DPP6: variants seen among roughly 807,000 people sequenced by gnomAD.
DPP6 encodes A-type potassium channel modulatory protein DPP6.
Under a neutral mutation model 122.6 loss-of-function variants are expected in DPP6, and 69 were observed. That is an observed-to-expected ratio of 0.56 (90% confidence interval 0.46 to 0.69). The LOEUF (loss-of-function observed/expected upper bound fraction) is 0.69. Among genes scored for constraint, DPP6 ranks in the 30% least tolerant of loss-of-function variants. The probability of loss-of-function intolerance (pLI) is 0.00; values close to 1 mark genes in which losing one functional copy is unlikely to be tolerated. For synonymous variants in DPP6, 418 were observed against 433.1 expected (o/e 0.97, Z 0.43); for missense variants, 928 against 1,116.9 (o/e 0.83, Z 2.41).
chr7:154,008,886 C>T (rs1190587210), intron 1 of DPP6, among the ~76,000 whole-genome samples: 4 of 150,294 alleles, frequency 2.7e-5, no homozygotes, highest in East Asian at 2.0e-4. Context: ...AGGATGGTCT[C>T]GATCTCCTGA....
intron 5 of DPP6, among the ~76,000 whole-genome samples, chr7:154,575,246 GGT>G (rs1478504873): frequency 7.4e-5 from 9 of 121,242 alleles, no homozygotes; most frequent in African/African-American, 2.8e-4. Context: ...GTGTTTGTGT[GGT>G]GTGTGTGGTG....
At chr7:154,751,844 G>C (rs1411202997) in intron 8 of DPP6, among the ~76,000 whole-genome samples, 1 of 152,198 alleles carries the variant, frequency 6.6e-6, no homozygotes, top group East Asian at 1.9e-4. Context: ...GCCGGTGGGG[G>C]GTCCCTCTGG....
At chr7:154,397,534 T>TTG (rs539690315) in intron 1 of DPP6, among the ~76,000 whole-genome samples, 19 of 152,352 alleles carry the variant, frequency 1.2e-4, no homozygotes, top group African/African-American at 4.6e-4. Flanking sequence ...ATTATCCATG[T>TTG]TGTGTGTGAC....
Position 154,314,010 on chromosome 7 carries a change from C to T in DPP6, c.244-132204C>T, listed in dbSNP as rs185890266. Among the ~76,000 whole-genome samples, 58 of 151,998 alleles carry T rather than the reference C, an allele frequency of 3.8e-4. 1 individual carries two copies. The East Asian group carries it at 8.0e-3, about 21-fold the overall frequency. ...ATTAAAAACCATGAAGCTGTAACAA[C>T]GTCTCAAAAGCTCCCTTGGTGCATT... On this transcript the variant is annotated intron_variant, in intron 1 of 25. Coordinates refer to ENST00000377770, the MANE Select transcript of DPP6 (RefSeq NM_130797.4).
chr7:154,635,743 G>A (rs773424512), intron 5 of DPP6, among the ~76,000 whole-genome samples: 1 of 152,150 alleles, frequency 6.6e-6, no homozygotes, highest in Non-Finnish European at 1.5e-5. Flanking sequence ...GACCGGAGAT[G>A]GGGAACCCAT....
intron 1 of DPP6, among the ~76,000 whole-genome samples, chr7:154,426,512 T>C (rs1404238464): frequency 6.6e-6 from 1 of 152,176 alleles, no homozygotes; most frequent in Non-Finnish European, 1.5e-5. Context: ...AAATCCTGTA[T>C]TGGTCTTCTT....
At chr7:153,910,365 G>T (rs1282411060) in intron 1 of DPP6, among the ~76,000 whole-genome samples, 1 of 151,782 alleles carries the variant, frequency 6.6e-6, no homozygotes, top group Admixed American at 6.6e-5. Context: ...GAGTAGCTGG[G>T]ACTATAGGCA....
intron 6 of DPP6, among the ~76,000 whole-genome samples, chr7:154,645,061 GTTT>G (rs538662916): frequency 4.1e-5 from 5 of 121,846 alleles, no homozygotes; most frequent in Admixed American, 8.5e-5. Flanking sequence ...TTATTTGTTG[GTTT>G]TTTTTTTTTT....
the DPP6 span, among the ~76,000 whole-genome samples, chr7:153,806,718 T>C: frequency 6.6e-6 from 1 of 152,046 alleles, no homozygotes; most frequent in Non-Finnish European, 1.5e-5. Context: ...TTCTCCTTTC[T>C]GTCATTTTGA....
intron 1 of DPP6, among the ~76,000 whole-genome samples, chr7:154,176,141 G>A (rs2150737786): frequency 6.6e-6 from 1 of 152,332 alleles, no homozygotes. Flanking sequence ...TCTTAGAAAT[G>A]TGCCCTAAGC....
At chr7:153,918,563 ACAGTCT>A (rs1800468894) in intron 1 of DPP6, among the ~76,000 whole-genome samples, 1 of 62,280 alleles carries the variant, frequency 1.6e-5, no homozygotes, top group Admixed American at 2.0e-4. Context: ...ACACACACAC[ACAGTCT>A]CTCTCTCTCT....
At chr7:153,833,633 C>T in the DPP6 span, among the ~76,000 whole-genome samples, 1 of 151,280 alleles carries the variant, frequency 6.6e-6, no homozygotes, top group African/African-American at 2.4e-5. Flanking sequence ...ATTGGAGTGT[C>T]ACTGCACTCC....
At chr7:154,855,498 C>G (rs1802756534) in intron 17 of DPP6, among the ~76,000 whole-genome samples, 1 of 152,220 alleles carries the variant, frequency 6.6e-6, no homozygotes, top group Non-Finnish European at 1.5e-5. Context: ...GCTTTCCAGC[C>G]TCACCTGCGA....
chr7:154,255,500 C>T (rs866240074), intron 1 of DPP6, among the ~76,000 whole-genome samples: 3 of 152,042 alleles, frequency 2.0e-5, no homozygotes, highest in Non-Finnish European at 2.9e-5. Context: ...TTCTGCGGTG[C>T]GGGAATGGCA....
chr7:154,699,253 C>T (rs991103792), intron 7 of DPP6, among the ~76,000 whole-genome samples: 2 of 152,120 alleles, frequency 1.3e-5, no homozygotes, highest in African/African-American at 4.8e-5. Context: ...GGACTGTATA[C>T]AAAAAGGCCC....
chr7:154,687,511 G>T (rs1839687686), intron 7 of DPP6, among the ~76,000 whole-genome samples: 1 of 152,064 alleles, frequency 6.6e-6, no homozygotes, highest in South Asian at 2.1e-4. Flanking sequence ...TAAAACACTT[G>T]TTCATGTCTT....
intron 1 of DPP6, among the ~76,000 whole-genome samples, chr7:153,929,985 C>A (rs2030502431): frequency 6.6e-6 from 1 of 152,148 alleles, no homozygotes; most frequent in Admixed American, 6.5e-5. Flanking sequence ...TGGGAAAGTT[C>A]CTATCCTTGC....
rs754825187 is a variant in DPP6 at position 154,795,874 on chromosome 7, C to T, written c.1290C>T (p.Leu430=). The T allele has an allele frequency of 4.3e-6, 7 of 1,612,630 alleles. No individual in the cohort carries two copies. Among genetic ancestry groups the T allele is most frequent in the Non-Finnish European group, 5.9e-6 (7 of 1,179,310 alleles). The change falls in exon 12 of 26, where the codon CTC becomes CTT. Residue 430 remains leucine, a synonymous_variant. Transcript: ENST00000377770. ...KKHEDESEAW[L]HRQNEEPVFS... ...ACGAGGATGAAAGTGAGGCCTGGCT[C>T]CACAGACAGGTAACTACTGCATGTC...
In DPP6 at chr7:154,460,377, C is replaced by T. The variant is rs184757992; in HGVS notation, c.358+14049C>T. Among the ~76,000 whole-genome samples, 1,123 of 152,328 alleles carry T rather than the reference C, an allele frequency of 7.4e-3. 14 individuals carry two copies. The highest frequency in any genetic ancestry group is 0.026 in the African/African-American group (1,064 of 41,574). On this transcript the variant is annotated intron_variant, in intron 2 of 25. Coordinates refer to ENST00000377770, the MANE Select transcript of DPP6 (RefSeq NM_130797.4). ...TTTAGCTGCTTTACATTTTCTCCCA[C>T]TTCCGTCTCTTCACTCTGAGTTACA...
Sources: allele counts gnomAD v4.1 joint callset (sites outside exome capture counted in the v4.1 genomes callset), GRCh38; gene constraint gnomAD v4.1.1; transcripts MANE v1.5; gene names NCBI Gene and HGNC (gene_info 2026-07-23, HGNC 2026-07-21).